The following C16orf87 variants were observed in gnomAD, a reference collection of about 807,000 sequenced individuals.
The protein encoded by C16orf87 is HDAC and MIER1 interacting protein 1, also known as UPF0547 protein C16orf87.
C16orf87 carries 13 observed loss-of-function variants against 21.0 expected under a neutral mutation model. The ratio of observed to expected loss-of-function variants is 0.62; its 90% CI spans 0.40 to 0.98. The LOEUF is 0.98. C16orf87 is among the 50% of genes least tolerant of loss of function. The pLI is 0.00. For synonymous variants in C16orf87, 49 were observed against 60.2 expected, an observed-to-expected ratio of 0.81 and a Z score of 0.86; for missense variants, 113 against 180.4, an observed-to-expected ratio of 0.63 and a Z score of 2.14.
At chr16:46,826,104 A>C (rs1959609461) in intron 1 of C16orf87, among the ~76,000 whole-genome samples, 1 of 152,132 alleles carries the variant, frequency 6.6e-6, no homozygotes, top group African/African-American at 2.4e-5. Flanking sequence ...ATGACTCCGG[A>C]CAAGATATTT....
intron 3 of C16orf87, among the ~76,000 whole-genome samples, chr16:46,806,504 C>T (rs932171378): frequency 1.3e-5 from 2 of 152,122 alleles, no homozygotes; most frequent in African/African-American, 4.8e-5. Context: ...CATGATCCAC[C>T]AGCCTCGGCC....
At chr16:46,810,753 C>A (rs1421156833) in intron 2 of C16orf87, among the ~76,000 whole-genome samples, 1 of 152,052 alleles carries the variant, frequency 6.6e-6, no homozygotes, top group East Asian at 1.9e-4. Context: ...TAGACATATA[C>A]CAGATAATAC....
intron 1 of C16orf87, among the ~76,000 whole-genome samples, chr16:46,827,078 T>C (rs1268188814): frequency 6.6e-6 from 1 of 152,230 alleles, no homozygotes; most frequent in East Asian, 1.9e-4. Context: ...AATTAACAGG[T>C]TGATTTTCAT....
chr16:46,801,785 A>G lies in C16orf87; in HGVS notation c.*1167T>C, dbSNP rs1037010891. 4.6e-5 allele frequency: 7 copies of G among 152,228 alleles called. No homozygotes were observed. The South Asian group carries it at 1.4e-3, about 31-fold the overall frequency. 9.4% of individuals were successfully genotyped at this position (152,228 alleles called of 1,614,324 possible). On this transcript the variant is annotated 3_prime_UTR_variant, in exon 4 of 4. Coordinates refer to ENST00000285697, the MANE Select transcript of C16orf87 (RefSeq NM_001001436.4). ...AGGGAGATTCTCTTAAAAGGGGGCT[A>G]AATCTAACTGATGACTATCTTCTGT...
In C16orf87 at chr16:46,818,572, TCTTTC is replaced by T. The variant is rs1469564471; in HGVS notation, c.163+5809_163+5813del. Among the ~76,000 whole-genome samples, 6 of 152,334 alleles carry T rather than the reference TCTTTC, an allele frequency of 3.9e-5. No homozygotes were observed. The South Asian group carries it at 6.2e-4, about 16-fold the overall frequency. On this transcript the variant is annotated intron_variant, in intron 2 of 3. Transcript: ENST00000285697. ...ATTTCCTACTGTCTCAACTATTTTT[TCTTTC>T]CTTTACAGGAAATTCTAAATCTTAA...
intron 3 of C16orf87, chr16:46,808,068 T>C (rs1172483377): frequency 8.8e-6 from 4 of 455,950 alleles, no homozygotes; most frequent in African/African-American, 8.0e-5. Flanking sequence ...TTCCTTTTTC[T>C]CTGCTGACTT....
At position 46,803,027 on chromosome 16, in the gene C16orf87, A is replaced by T. The variant is rs1191453285; in HGVS notation, c.390T>A (p.Asp130Glu). 1.2e-6 allele frequency: 2 copies of T among 1,606,664 alleles called. No individual in the cohort carries two copies. The highest frequency in any genetic ancestry group is 1.1e-5 in the South Asian group (1 of 90,796). Residue 130 changes from aspartate (D) to glutamate (E), a missense_variant, in exon 4 of 4, where the codon GAT becomes GAA. Asp to Glu is a conservative substitution (Grantham distance 45). Coordinates refer to ENST00000285697, the MANE Select transcript of C16orf87 (RefSeq NM_001001436.4). ...CGACTGAAAACACGAAAGCCTTTTC[A>T]TCAGACAGGTTAGCATAGATGTCAA... ...KEIDIYANLS[D>E]EKAFVFSVAL...
At chr16:46,821,899 A>ATTC (rs1959429308) in intron 2 of C16orf87, among the ~76,000 whole-genome samples, 1 of 152,146 alleles carries the variant, frequency 6.6e-6, no homozygotes, top group African/African-American at 2.4e-5. Context: ...CCAAAATTAA[A>ATTC]TTCTTCATCT....
intron 3 of C16orf87, among the ~76,000 whole-genome samples, chr16:46,804,640 C>A (rs1967871381): frequency 6.6e-6 from 1 of 152,142 alleles, no homozygotes; most frequent in Non-Finnish European, 1.5e-5. Flanking sequence ...ATAGTGAATA[C>A]ACAGATCTTT....
intron 3 of C16orf87, among the ~76,000 whole-genome samples, chr16:46,807,527 C>T (rs1359899655): frequency 6.6e-6 from 1 of 152,092 alleles, no homozygotes; most frequent in South Asian, 2.1e-4. Flanking sequence ...TACTGGAACA[C>T]AGGCATGCCC....
intron 3 of C16orf87, among the ~76,000 whole-genome samples, chr16:46,803,987 C>T (rs1967848782): frequency 6.6e-6 from 1 of 152,158 alleles, no homozygotes. Flanking sequence ...ATAATTAAAT[C>T]ACAACTTTAG....
At chr16:46,819,668 T>C (rs1389010158) in intron 2 of C16orf87, among the ~76,000 whole-genome samples, 1 of 151,880 alleles carries the variant, frequency 6.6e-6, no homozygotes, top group African/African-American at 2.4e-5. Context: ...CACAAATTAA[T>C]TTTAAACTTT....
chr16:46,810,050 A>C (rs897311911), intron 2 of C16orf87, among the ~76,000 whole-genome samples: 2 of 152,220 alleles, frequency 1.3e-5, no homozygotes, highest in Admixed American at 1.3e-4. Context: ...CTTAAATTTC[A>C]GCCTCTACAA....
At chr16:46,828,969 C>G (rs891143326) in intron 1 of C16orf87, among the ~76,000 whole-genome samples, 1 of 151,976 alleles carries the variant, frequency 6.6e-6, no homozygotes, top group East Asian at 1.9e-4. Flanking sequence ...CAAAACAAAC[C>G]AACTCATTAA....
At chr16:46,807,471 A>G (rs1967964151) in intron 3 of C16orf87, among the ~76,000 whole-genome samples, 1 of 152,096 alleles carries the variant, frequency 6.6e-6, no homozygotes, top group Non-Finnish European at 1.5e-5. Flanking sequence ...TTGGCAAACT[A>G]TAGTACAAGT....
chr16:46,826,672 C>CA (rs956740548), intron 1 of C16orf87, among the ~76,000 whole-genome samples: 11 of 151,696 alleles, frequency 7.3e-5, no homozygotes, highest in South Asian at 2.1e-4. Flanking sequence ...CAAATCACGA[C>CA]AAAAAAAATG....
At chr16:46,826,817 CCA>C (rs1959639006) in intron 1 of C16orf87, among the ~76,000 whole-genome samples, 2 of 152,290 alleles carry the variant, frequency 1.3e-5, no homozygotes, top group South Asian at 2.1e-4. Flanking sequence ...TTAAGGGCAT[CCA>C]CAGTAATGTA....
intron 2 of C16orf87, among the ~76,000 whole-genome samples, chr16:46,812,418 T>C (rs1310109831): frequency 2.0e-5 from 3 of 152,192 alleles, no homozygotes; most frequent in Non-Finnish European, 4.4e-5. Flanking sequence ...TATAATGGCA[T>C]TGTGCTTACA....
chr16:46,804,717 A>G (rs1002698358), intron 3 of C16orf87, among the ~76,000 whole-genome samples: 1 of 152,242 alleles, frequency 6.6e-6, no homozygotes, highest in African/African-American at 2.4e-5. Flanking sequence ...CAATCAACAT[A>G]TAACAAATTT....
Sources: allele counts gnomAD v4.1 joint callset (sites outside exome capture counted in the v4.1 genomes callset), GRCh38; gene constraint gnomAD v4.1.1; transcripts MANE v1.5; gene names NCBI Gene and HGNC (gene_info 2026-07-23, HGNC 2026-07-21).